The following FBRS variants were observed in gnomAD, a reference collection of about 807,000 sequenced individuals.
FBRS encodes fibrosin.
FBRS carries 15 observed loss-of-function variants against 86.1 expected under a neutral mutation model. The ratio of observed to expected loss-of-function variants is 0.17; its 90% CI spans 0.12 to 0.27. FBRS has a LOEUF of 0.27. FBRS is among the 10% of genes least tolerant of loss of function. The pLI, the probability that FBRS is intolerant of heterozygous loss-of-function variation, is 1.00. For synonymous variants in FBRS, 666 were observed against 575.8 expected (o/e 1.16, Z -2.24); for missense variants, 1,367 against 1,301.6 (o/e 1.05, Z -0.77).
chr16:30,661,150 C>T (rs1219696977), intron 2 of FBRS, 30 bp from the exon 3 acceptor site: 2 of 1,550,278 alleles, frequency 1.3e-6, no homozygotes, highest in Non-Finnish European at 1.7e-6. Flanking sequence ...GCAGCCGCCT[C>T]CCTCACCTCT....
Position 30,668,924 on chromosome 16 carries a change from A to G in FBRS, c.2311A>G (p.Lys771Glu). 2 of 1,591,540 alleles carry G rather than the reference A, an allele frequency of 1.3e-6. No homozygotes were observed. The highest frequency in any genetic ancestry group is 1.7e-6 in the Non-Finnish European group (2 of 1,171,710). Residue 771 changes from lysine (K) to glutamate (E), a missense_variant, in exon 17 of 18, where the codon AAG (lysine) becomes GAG (glutamate). By Grantham distance (56) the Lys-to-Glu change is moderately conservative (BLOSUM62 1). Coordinates refer to ENST00000356166, the MANE Select transcript of FBRS (RefSeq NM_001105079.3). ...PEAARTPGSD[K>E]ERPVERREPS... ...GGCCGCCCGGACTCCAGGCTCAGAC[A>G]AGGAGCGGCCTGTGGAGCGGAGGGA... is the stretch of plus-strand genomic sequence containing the variant.
In FBRS at chr16:30,659,458, G is replaced by C. The variant is rs2052426506; in HGVS notation, c.-61G>C. 8.1e-6 allele frequency: 2 copies of C among 247,122 alleles called. No individual in the cohort carries two copies. Among genetic ancestry groups the C allele is most frequent in the Admixed American group, 5.5e-5 (1 of 18,100 alleles). 15.3% of individuals were successfully genotyped at this position (247,122 alleles called of 1,614,324 possible). A position where few individuals can be genotyped will look rare whatever the true frequency, so the allele number is the denominator to read the frequency against. On this transcript the variant is annotated 5_prime_UTR_variant, in exon 1 of 18. Transcript: ENST00000356166. ...GCCAGCGCCGCGCCTGCGACCCCGG[G>C]CCTGCGGACAGGCCGCTTCGGGCCC... is the stretch of plus-strand genomic sequence containing the variant.
intron 2 of FBRS, chr16:30,660,696 G>A (rs1330592769): frequency 3.0e-5 from 17 of 564,188 alleles, no homozygotes; most frequent in Non-Finnish European, 4.6e-5. Flanking sequence ...GAATATAGTT[G>A]GGTCGTAAAT....
Position 30,665,062 on chromosome 16 carries a change from G to A in FBRS, c.1591G>A (p.Gly531Ser), listed in dbSNP as rs2052506284. 1.9e-6 allele frequency: 3 copies of A among 1,613,596 alleles called. No individual in the cohort carries two copies. The highest frequency in any genetic ancestry group is 8.5e-7 in the Non-Finnish European group (1 of 1,179,828). The change falls in exon 9 of 18, where the codon GGC (glycine) becomes AGC (serine). Residue 531 changes from glycine to serine, a missense_variant. This residue lies in a region of FBRS where 659 missense variants were observed against 678.8 expected (regional missense o/e 0.97). Coordinates refer to ENST00000356166, the MANE Select transcript of FBRS (RefSeq NM_001105079.3). The surrounding 1 kb of genome is among the most constrained non-coding windows in gnomAD (Gnocchi z 4.1). Reference sequence around the variant, plus strand: ...TGAGAAATATCCAGGAAAGATGGAAGGCCTTTTCCGACATAATGTGAGTGT... The same window carrying A: ...TGAGAAATATCCAGGAAAGATGGAAAGCCTTTTCCGACATAATGTGAGTGT... ...MFEKYPGKMEGLFRHNPYTAF... is the reference protein window; with the variant it reads ...MFEKYPGKMESLFRHNPYTAF...
rs750731945 is a variant in FBRS, at chr16:30,665,672, C to T, written c.1739C>T (p.Pro580Leu). 27 of 1,590,178 alleles carry T rather than the reference C, an allele frequency of 1.7e-5. No individual in the cohort carries two copies. The highest frequency in any genetic ancestry group is 6.8e-5 in the East Asian group (3 of 44,046). Reference sequence around the variant, plus strand: ...CCTGAGCTGCCACCACGACTGGGGCCGGTGCCGAGCGGGCTCTCCCAGAAG... The same window carrying T: ...CCTGAGCTGCCACCACGACTGGGGCTGGTGCCGAGCGGGCTCTCCCAGAAG... The part of the protein sequence containing the change: ...TNPELPPRLG[P>L]VPSGLSQKGT... Residue 580 changes from proline (P) to leucine (L), a missense_variant, in exon 11 of 18, where the codon CCG becomes CTG. Coordinates refer to ENST00000356166, the MANE Select transcript of FBRS (RefSeq NM_001105079.3). This position sits in a 1 kb window ranked among gnomAD's most constrained non-coding sequence, Gnocchi z 4.1.
At position 30,665,563 on chromosome 16, in the gene FBRS, GTCCCAGCT is replaced by G; in HGVS notation, c.1705-73_1705-66del. On this transcript the variant is annotated intron_variant, in intron 10 of 17. Transcript: ENST00000356166. The surrounding 1 kb of genome is among the most constrained non-coding windows in gnomAD (Gnocchi z 4.1). ...AAGCCATGATCCCTCCCTGCCCAGT[GTCCCAGCT>G]TGGTTCTGGATCCCTTTGTGCTTGG... 6.0e-6 allele frequency: 9 copies of G among 1,508,566 alleles called. No individual in the cohort carries two copies. The highest frequency in any genetic ancestry group is 8.1e-6 in the Non-Finnish European group (9 of 1,107,626). 93.4% of individuals were successfully genotyped at this position (1,508,566 alleles called of 1,614,324 possible).
chr16:30,669,586 C>T lies in FBRS; in HGVS notation c.2884C>T (p.Pro962Ser). 1 of 1,611,442 alleles carries T rather than the reference C, an allele frequency of 6.2e-7. No homozygotes were observed. Residue 962 changes from proline (P) to serine (S), a missense_variant, in exon 18 of 18, where the codon CCC becomes TCC. Around this residue, in one of 3 missense-constraint regions of FBRS, gnomAD observed 659 missense variants for 678.8 expected, o/e 0.97. Transcript: ENST00000356166. The surrounding 1 kb of genome is among the most constrained non-coding windows in gnomAD (Gnocchi z 5.9). ...ALLGAPPPLV[P>S]APRPSSPPRG... is the part of the protein sequence containing the mutation. ...TTTGGGGGCACCACCTCCGCTTGTGCCCGCCCCCCGGCCCAGTTCCCCACC... is the reference window on the plus strand; with the variant it reads ...TTTGGGGGCACCACCTCCGCTTGTGTCCGCCCCCCGGCCCAGTTCCCCACC...
rs746999459 is a variant in FBRS at position 30,664,385 on chromosome 16, C to A, written c.1226C>A (p.Pro409His). Reference sequence around the variant, plus strand: ...CCTTTGTCCACCCACAGCTTTCCCCCTCCCGGGCTGCGGCCCCCCCCACCA... The same window carrying A: ...CCTTTGTCCACCCACAGCTTTCCCCATCCCGGGCTGCGGCCCCCCCCACCA... The part of the protein sequence containing the change: ...PLPLSTHSFP[P>H]PGLRPPPPPH... The change falls in exon 7 of 18, where the codon CCT becomes CAT. Residue 409 changes from proline (P) to histidine (H), a missense_variant. By Grantham distance (77) the Pro-to-His change is moderately conservative. This residue lies in a region of FBRS where 702 missense variants were observed against 598.7 expected (regional missense o/e 1.17). Coordinates refer to ENST00000356166, the MANE Select transcript of FBRS (RefSeq NM_001105079.3). 44 of 1,504,930 alleles carry A rather than the reference C, an allele frequency of 2.9e-5. No individual in the cohort carries two copies. Among genetic ancestry groups the A allele is most frequent in the East Asian group, 2.0e-4 (8 of 39,794 alleles). 93.2% of individuals were successfully genotyped at this position (1,504,930 alleles called of 1,614,324 possible).
chr16:30,663,023 G>A (rs541283523), intron 6 of FBRS, 164 bp downstream of exon 6: 28 of 1,206,312 alleles, frequency 2.3e-5, no homozygotes, highest in South Asian at 1.7e-4. Context: ...ATTTGAGTCC[G>A]TTACACATTC....
At chr16:30,661,751 A>G (rs950055097) in intron 4 of FBRS, among the ~76,000 whole-genome samples, 2 of 152,028 alleles carry the variant, frequency 1.3e-5, no homozygotes, top group African/African-American at 4.8e-5. Flanking sequence ...GACTCAGCCC[A>G]TAAAGGTGTA....
rs2052441414 is a variant in FBRS at position 30,660,258 on chromosome 16, C to T, written c.460-5C>T. 1 of 1,323,416 alleles carries T rather than the reference C, an allele frequency of 7.6e-7. No homozygotes were observed. Among genetic ancestry groups the T allele is most frequent in the Non-Finnish European group, 9.7e-7 (1 of 1,028,964 alleles). 82.0% of individuals were successfully genotyped at this position (1,323,416 alleles called of 1,614,324 possible). On this transcript the variant is annotated splice_polypyrimidine_tract_variant and splice_region_variant and intron_variant, in intron 1 of 17. Coordinates refer to ENST00000356166, the MANE Select transcript of FBRS (RefSeq NM_001105079.3). ...TCTATCTCAGCCCCACCTCCTCCTC[C>T]ACAGAAGGATGCATCTCTTCAGCCC...
At position 30,665,456 on chromosome 16, in the gene FBRS, C is replaced by T. The variant is rs1232590525; in HGVS notation, c.1704+55C>T. ...CCTACCATCTTGACAAACCCAGACACGCCGGGTCCAAGCACCCTTCTCCCA... is the reference window on the plus strand; with the variant it reads ...CCTACCATCTTGACAAACCCAGACATGCCGGGTCCAAGCACCCTTCTCCCA... On this transcript the variant is annotated intron_variant, in intron 10 of 17. Coordinates refer to ENST00000356166, the MANE Select transcript of FBRS (RefSeq NM_001105079.3). This position sits in a 1 kb window ranked among gnomAD's most constrained non-coding sequence, Gnocchi z 4.1. The T allele has an allele frequency of 1.0e-5, 15 of 1,503,326 alleles. No individual in the cohort carries two copies. Among genetic ancestry groups the T allele is most frequent in the East Asian group, 2.5e-5 (1 of 40,762 alleles). The allele number at this position is 1,503,326 out of a possible 1,614,324, so 93.1% of individuals were successfully genotyped here. A position where few individuals can be genotyped will look rare whatever the true frequency, so the allele number is the denominator to read the frequency against.
Position 30,669,659 on chromosome 16 carries a change from G to C in FBRS, c.*14G>C, listed in dbSNP as rs765354266. ...GCTGACAGGTGAGGGGAACGGGGGG[G>C]GGTCGGGGCAAAGCTCCATCTCCCC... On this transcript the variant is annotated 3_prime_UTR_variant, in exon 18 of 18. Transcript: ENST00000356166. The surrounding 1 kb of genome is among the most constrained non-coding windows in gnomAD (Gnocchi z 5.9). 16 of 1,577,456 alleles carry C rather than the reference G, an allele frequency of 1.0e-5. No individual in the cohort carries two copies. The highest frequency in any genetic ancestry group is 1.3e-5 in the Non-Finnish European group (15 of 1,167,202).
chr16:30,658,961 C>G lies in FBRS; in HGVS notation c.-558C>G, dbSNP rs1384622956. The G allele has an allele frequency of 6.6e-6, 1 of 152,286 alleles. No homozygotes were observed. Among genetic ancestry groups the G allele is most frequent in the East Asian group, 1.9e-4 (1 of 5,166 alleles). The allele number at this position is 152,286 out of a possible 1,614,324, so 9.4% of individuals were successfully genotyped here. On this transcript the variant is annotated 5_prime_UTR_variant, in exon 1 of 18. Coordinates refer to ENST00000356166, the MANE Select transcript of FBRS (RefSeq NM_001105079.3). Reference sequence around the variant, plus strand: ...AAATTCAACTTAAAGGGGAAGTGGCCGCTTGTGGAGGACTAGAAACTAACT... The same window carrying G: ...AAATTCAACTTAAAGGGGAAGTGGCGGCTTGTGGAGGACTAGAAACTAACT...
Position 30,669,192 on chromosome 16 carries a change from GGCTGCCGCCGCC to G in FBRS, c.2499_2510del (p.Ala846_Ala849del), listed in dbSNP as rs776928768. The G allele has an allele frequency of 5.2e-6, 8 of 1,549,484 alleles. No homozygotes were observed. Among genetic ancestry groups the G allele is most frequent in the Non-Finnish European group, 6.1e-6 (7 of 1,146,674 alleles). ...GGGTAAAGGAAGAGCGGAAGGAGGA[GGCTGCCGCCGCC>G]GCTGCCGCTGCTGCTGCCGCCGCCG... On this transcript the variant is annotated inframe_deletion, in exon 18 of 18. Coordinates refer to ENST00000356166, the MANE Select transcript of FBRS (RefSeq NM_001105079.3). This position sits in a 1 kb window ranked among gnomAD's most constrained non-coding sequence, Gnocchi z 5.9.
intron 2 of FBRS, chr16:30,660,722 C>T (rs969354123): frequency 6.3e-5 from 31 of 492,188 alleles, no homozygotes; most frequent in Admixed American, 1.6e-4. Flanking sequence ...GTGGTTCCTG[C>T]CCTTCCTCGA....
Position 30,665,272 on chromosome 16 carries a change from C to T in FBRS, c.1609-34C>T, listed in dbSNP as rs754211188. 7 of 1,544,146 alleles carry T rather than the reference C, an allele frequency of 4.5e-6. No individual in the cohort carries two copies. The highest frequency in any genetic ancestry group is 1.7e-4 in the Middle Eastern group (1 of 5,962). On this transcript the variant is annotated intron_variant, in intron 9 of 17. Transcript: ENST00000356166. This position sits in a 1 kb window ranked among gnomAD's most constrained non-coding sequence, Gnocchi z 4.1. ...AGGCTGGACTTGGGCTGCGCCTCCACCCCCACCTGTACTAGTCCCCCTTCT... is the reference window on the plus strand; with the variant it reads ...AGGCTGGACTTGGGCTGCGCCTCCATCCCCACCTGTACTAGTCCCCCTTCT...
In FBRS at chr16:30,662,829, A is replaced by G. The variant is rs772176126; in HGVS notation, c.1025A>G (p.Tyr342Cys). 1.1e-5 allele frequency: 16 copies of G among 1,462,404 alleles called. No individual in the cohort carries two copies. The highest frequency in any genetic ancestry group is 2.6e-5 in the Admixed American group (1 of 38,152). 90.6% of individuals were successfully genotyped at this position (1,462,404 alleles called of 1,614,324 possible). Reference sequence around the variant, plus strand: ...CCCTTCGGCCTCCGCACTTCTCCATATGGCAGCAGCCTGGACCTCAGCACT... The same window carrying G: ...CCCTTCGGCCTCCGCACTTCTCCATGTGGCAGCAGCCTGGACCTCAGCACT... ...VSPFGLRTSP[Y>C]GSSLDLSTGS... is the part of the protein sequence containing the mutation. Residue 342 changes from tyrosine (Y) to cysteine (C), a missense_variant, in exon 6 of 18, where the codon TAT (tyrosine) becomes TGT (cysteine). By Grantham distance (194) the Tyr-to-Cys change is radical. Around this residue, in one of 3 missense-constraint regions of FBRS, gnomAD observed 702 missense variants for 598.7 expected, o/e 1.17. Transcript: ENST00000356166.
At chr16:30,664,691 G>C in intron 7 of FBRS, 24 bp from the exon 8 acceptor site, 2 of 1,492,328 alleles carry the variant, frequency 1.3e-6, no homozygotes, top group Non-Finnish European at 1.8e-6. Flanking sequence ...CAGCATTAAA[G>C]CCTTCTCCCG....
Sources: gnomAD v4.1 joint callset for allele counts (sites outside exome capture counted in the v4.1 genomes callset) on GRCh38, gnomAD v4.1.1 for gene constraint, gnomAD v4.1.1 regional missense constraint, Gnocchi (gnomAD v3.1) non-coding constraint, MANE v1.5 for transcripts, NCBI Gene and HGNC (gene_info 2026-07-23, HGNC 2026-07-21) for gene names.